Variants in SLIT2 observed in about 807,000 individuals in gnomAD.
SLIT2 encodes slit guidance ligand 2.
In SLIT2, 41 loss-of-function variants were observed where a neutral mutation model predicts 185.7. The ratio of observed to expected loss-of-function variants is 0.22; its 90% CI spans 0.17 to 0.29. The LOEUF is 0.29. Ranked by LOEUF, SLIT2 falls within the 10% of genes least tolerant of loss-of-function variation. SLIT2 has a pLI of 1.00. For synonymous variants in SLIT2, 693 were observed against 680.2 expected, an observed-to-expected ratio of 1.02 and a Z score of -0.29; for missense variants, 1,571 against 1,909.0, an observed-to-expected ratio of 0.82 and a Z score of 3.30.
In SLIT2 at chr4:20,589,703, G is replaced by T; in HGVS notation, c.3148G>T (p.Asp1050Tyr). 1 of 1,613,768 alleles carries T rather than the reference G, an allele frequency of 6.2e-7. No homozygotes were observed. Among genetic ancestry groups the T allele is most frequent in the Non-Finnish European group, 8.5e-7 (1 of 1,179,902 alleles). Residue 1050 changes from aspartate (D) to tyrosine (Y), a missense_variant, in exon 30 of 37, where the codon GAT becomes TAT. This residue lies in a region of SLIT2 where 1,202 missense variants were observed against 1,416.4 expected (regional missense o/e 0.85). Coordinates refer to ENST00000504154, the MANE Select transcript of SLIT2 (RefSeq NM_004787.4). ...CAQDLNPCQH[D>Y]SKCILTPKGF... ...CCAGGACCTGAACCCCTGCCAGCAC[G>T]ATTCAAAGTGCATCCTAACTCCAAA...
chr4:20,524,069 T>C lies in SLIT2; in HGVS notation c.1330T>C (p.Tyr444His), dbSNP rs1378749300. ...CTGCCATCTCAAGTGGCTAGCGGAT[T>C]ATCTCCATACCAACCCGATTGAGAC... ...CDCHLKWLAD[Y>H]LHTNPIETSG... Residue 444 changes from tyrosine to histidine, a missense_variant, in exon 14 of 37, where the codon TAT becomes CAT. Tyr to His is a moderately conservative substitution (Grantham distance 83). This residue lies in a region of SLIT2 where 1,202 missense variants were observed against 1,416.4 expected (regional missense o/e 0.85). Coordinates refer to ENST00000504154, the MANE Select transcript of SLIT2 (RefSeq NM_004787.4). 3.1e-6 allele frequency: 5 copies of C among 1,614,078 alleles called. No homozygotes were observed. Among genetic ancestry groups the C allele is most frequent in the Non-Finnish European group, 4.2e-6 (5 of 1,180,028 alleles).
At chr4:20,461,134 C>G (rs921538061) in intron 4 of SLIT2, among the ~76,000 whole-genome samples, 4 of 152,136 alleles carry the variant, frequency 2.6e-5, no homozygotes, top group African/African-American at 9.7e-5. Flanking sequence ...AGGAGTTGGT[C>G]TGCGTCTTGA....
intron 4 of SLIT2, among the ~76,000 whole-genome samples, chr4:20,352,639 T>G (rs1260222229): frequency 1.3e-5 from 2 of 152,260 alleles, no homozygotes; most frequent in East Asian, 1.9e-4. Flanking sequence ...TGAGGCCGGA[T>G]GTAGTGGCTC....
intron 9 of SLIT2, among the ~76,000 whole-genome samples, chr4:20,497,321 T>G (rs906273651): frequency 6.6e-6 from 1 of 151,886 alleles, no homozygotes; most frequent in African/African-American, 2.4e-5. Flanking sequence ...AATTGTGAAG[T>G]GGCTAAAATG....
chr4:20,467,844 T>A, intron 5 of SLIT2, 21 bp downstream of exon 5: 1 of 1,255,126 alleles, frequency 8.0e-7, no homozygotes, highest in Non-Finnish European at 1.1e-6. Context: ...ATTTTTAAAT[T>A]TATAGTGTTT....
At chr4:20,383,028 A>T (rs1226002834) in intron 4 of SLIT2, among the ~76,000 whole-genome samples, 1 of 152,182 alleles carries the variant, frequency 6.6e-6, no homozygotes, top group African/African-American at 2.4e-5. Flanking sequence ...TTTTCAAGAA[A>T]TTACCAAAGT....
chr4:20,574,736 G>A (rs957921344), intron 29 of SLIT2, among the ~76,000 whole-genome samples: 17 of 147,980 alleles, frequency 1.1e-4, no homozygotes, highest in African/African-American at 7.5e-5. Context: ...GCAGTGAGCC[G>A]AGATTGTGCC....
intron 4 of SLIT2, among the ~76,000 whole-genome samples, chr4:20,346,243 G>T (rs935055782): frequency 1.3e-5 from 2 of 152,056 alleles, no homozygotes; most frequent in Non-Finnish European, 2.9e-5. Flanking sequence ...CTATCCGCCT[G>T]CCTCGTGCTC....
At chr4:20,497,241 T>C (rs758147007) in intron 9 of SLIT2, among the ~76,000 whole-genome samples, 10 of 126,832 alleles carry the variant, frequency 7.9e-5, no homozygotes, top group Middle Eastern at 4.0e-3. Context: ...CTGAGAACTT[T>C]GTTGTTTAAA....
chr4:20,401,211 A>C (rs1726332653), intron 4 of SLIT2, among the ~76,000 whole-genome samples: 1 of 151,872 alleles, frequency 6.6e-6, no homozygotes, highest in Admixed American at 6.6e-5. Context: ...TTCCCATCTC[A>C]TCATGTCTCA....
intron 4 of SLIT2, among the ~76,000 whole-genome samples, chr4:20,414,254 C>T (rs905669171): frequency 1.3e-5 from 2 of 152,096 alleles, no homozygotes; most frequent in African/African-American, 4.8e-5. Flanking sequence ...GTATACAAAA[C>T]CTGTTCCAAT....
chr4:20,456,557 T>C (rs1434469318), intron 4 of SLIT2, among the ~76,000 whole-genome samples: 3 of 152,176 alleles, frequency 2.0e-5, no homozygotes, highest in African/African-American at 4.8e-5. Context: ...GTCTGCTCTT[T>C]ACTCACATAT....
intron 9 of SLIT2, among the ~76,000 whole-genome samples, chr4:20,494,604 G>C (rs1385715834): frequency 2.0e-5 from 3 of 151,932 alleles, no homozygotes; most frequent in Non-Finnish European, 2.9e-5. Context: ...GTGAAACCCT[G>C]TCTCTACTAA....
At chr4:20,514,502 A>G (rs1356293548) in intron 11 of SLIT2, among the ~76,000 whole-genome samples, 1 of 152,038 alleles carries the variant, frequency 6.6e-6, no homozygotes, top group African/African-American at 2.4e-5. Context: ...TTAGTCAGTC[A>G]GACATGGTGG....
intron 4 of SLIT2, among the ~76,000 whole-genome samples, chr4:20,304,282 CGAAA>C (rs905782297): frequency 1.5e-4 from 22 of 151,262 alleles, no homozygotes; most frequent in African/African-American, 4.6e-4. Context: ...GAAAAGAAAA[CGAAA>C]GAAAGGAAGG....
chr4:20,498,928 C>T (rs1718463721), intron 9 of SLIT2, among the ~76,000 whole-genome samples: 1 of 152,096 alleles, frequency 6.6e-6, no homozygotes, highest in Non-Finnish European at 1.5e-5. Context: ...GGGTAGATAC[C>T]CAGTAGTAGG....
At chr4:20,583,645 C>A (rs1183556489) in intron 29 of SLIT2, among the ~76,000 whole-genome samples, 1 of 151,882 alleles carries the variant, frequency 6.6e-6, no homozygotes, top group Non-Finnish European at 1.5e-5. Flanking sequence ...CTCATCTCTA[C>A]TAAAAGTACA....
chr4:20,378,613 A>G (rs1312838144), intron 4 of SLIT2, among the ~76,000 whole-genome samples: 1 of 152,110 alleles, frequency 6.6e-6, no homozygotes, highest in East Asian at 1.9e-4. Flanking sequence ...CCATACATTT[A>G]TTTCATGAAC....
chr4:20,471,343 T>C (rs1714987267), intron 5 of SLIT2, among the ~76,000 whole-genome samples: 1 of 152,194 alleles, frequency 6.6e-6, no homozygotes, highest in Non-Finnish European at 1.5e-5. Flanking sequence ...TTAATTCCTA[T>C]TATTGTGAAA....
Sources: gnomAD v4.1 joint callset for allele counts (sites outside exome capture counted in the v4.1 genomes callset) on GRCh38, gnomAD v4.1.1 for gene constraint, gnomAD v4.1.1 regional missense constraint, MANE v1.5 for transcripts, NCBI Gene and HGNC (gene_info 2026-07-23, HGNC 2026-07-21) for gene names.